TGFB1: variants seen among roughly 807,000 people sequenced by gnomAD.
TGFB1 encodes the protein transforming growth factor beta-1 proprotein.
In TGFB1, 19 loss-of-function variants were observed where a neutral mutation model predicts 43.8. The ratio of observed to expected loss-of-function variants is 0.43; its 90% confidence interval spans 0.30 to 0.64. The LOEUF is 0.64. Ranked by LOEUF, TGFB1 falls within the 30% of genes least tolerant of loss-of-function variation. TGFB1 has a pLI of 0.11. For missense variants in TGFB1, 445 were observed against 529.8 expected (o/e 0.84, Z 1.57); for synonymous variants, 221 against 236.3 (o/e 0.94, Z 0.60).
At chr19:41,347,860 G>A (rs1485842015) in intron 2 of TGFB1, among the ~76,000 whole-genome samples, 6 of 147,042 alleles carry the variant, frequency 4.1e-5, no homozygotes, top group African/African-American at 1.5e-4. Flanking sequence ...GAGGCCAGGC[G>A]CAGTGGCTCA....
intron 3 of TGFB1, among the ~76,000 whole-genome samples, chr19:41,343,096 A>G (rs1039457869): frequency 1.3e-5 from 2 of 151,120 alleles, no homozygotes; most frequent in Non-Finnish European, 2.9e-5. Flanking sequence ...CACTCCTCCC[A>G]GTGCCCACCT....
intron 1 of TGFB1, among the ~76,000 whole-genome samples, chr19:41,349,482 C>T (rs905282813): frequency 2.0e-5 from 3 of 152,186 alleles, no homozygotes; most frequent in Non-Finnish European, 2.9e-5. Flanking sequence ...GCTGGCTGGG[C>T]GCAGTGGCTC....
At chr19:41,336,365 C>T (rs1405755999) in intron 5 of TGFB1, among the ~76,000 whole-genome samples, 1 of 150,964 alleles carries the variant, frequency 6.6e-6, no homozygotes, top group Non-Finnish European at 1.5e-5. Flanking sequence ...TCCATTGCAT[C>T]TCTACCCCTA....
intron 5 of TGFB1, among the ~76,000 whole-genome samples, chr19:41,339,266 C>A (rs1252015369): frequency 6.6e-6 from 1 of 151,954 alleles, no homozygotes; most frequent in African/African-American, 2.4e-5. Flanking sequence ...CAGGCACACA[C>A]CACCCAGCCA....
intron 2 of TGFB1, among the ~76,000 whole-genome samples, chr19:41,348,057 A>G (rs1315669906): frequency 6.6e-6 from 1 of 151,760 alleles, no homozygotes; most frequent in Non-Finnish European, 1.5e-5. Flanking sequence ...ACTGGAACCC[A>G]GGAGGCGGAG....
chr19:41,346,607 G>C (rs1174367689), intron 2 of TGFB1, among the ~76,000 whole-genome samples: 1 of 152,218 alleles, frequency 6.6e-6, no homozygotes, highest in Middle Eastern at 3.2e-3. Context: ...TTCTAGAGCA[G>C]TGCTGTCCTA....
intron 5 of TGFB1, among the ~76,000 whole-genome samples, chr19:41,334,205 T>G (rs1030687588): frequency 6.6e-6 from 1 of 151,672 alleles, no homozygotes; most frequent in African/African-American, 2.4e-5. Context: ...CGAAACCCCG[T>G]CTCTACTAAA....
rs1487759091 is a variant in TGFB1, at chr19:41,352,981, T to A, written c.64A>T (p.Thr22Ser). 6.5e-7 allele frequency: 1 copy of A among 1,541,098 alleles called. No homozygotes were observed. Among genetic ancestry groups the A allele is most frequent in the Non-Finnish European group, 8.7e-7 (1 of 1,147,482 alleles). Residue 22 changes from threonine (T) to serine (S), a missense_variant, in exon 1 of 7, where the codon ACG becomes TCG. Thr to Ser is a moderately conservative substitution (Grantham distance 58). This residue lies in a region of TGFB1 where 366 missense variants were observed against 428.8 expected (regional missense o/e 0.85). Coordinates refer to ENST00000221930, the MANE Select transcript of TGFB1 (RefSeq NM_000660.7). Reference protein sequence around the residue: ...LLPLLWLLVLTPGRPAAGLST... With the variant: ...LLPLLWLLVLSPGRPAAGLST... ...AGTCCCGCGGCCGGCCGGCCAGGCGTCAGCACCAGTAGCCACAGCAGCGGT... is the reference window on the plus strand; with the variant it reads ...AGTCCCGCGGCCGGCCGGCCAGGCGACAGCACCAGTAGCCACAGCAGCGGT...
intron 5 of TGFB1, among the ~76,000 whole-genome samples, chr19:41,339,513 G>C (rs939743313): frequency 2.6e-5 from 4 of 151,738 alleles, no homozygotes; most frequent in African/African-American, 9.7e-5. Context: ...GTAATGTCAG[G>C]AGCTGTTGGC....
chr19:41,334,270 G>A (rs2037965724), intron 5 of TGFB1, among the ~76,000 whole-genome samples: 1 of 152,074 alleles, frequency 6.6e-6, no homozygotes, highest in African/African-American at 2.4e-5. Flanking sequence ...AGCTACTCAG[G>A]AGGCTGAGGC....
intron 5 of TGFB1, among the ~76,000 whole-genome samples, chr19:41,340,376 C>A (rs1262078111): frequency 6.6e-6 from 1 of 151,692 alleles, no homozygotes; most frequent in Non-Finnish European, 1.5e-5. Context: ...CCTGCCCCAG[C>A]CTGGGTACCT....
At chr19:41,343,298 C>G (rs1054554695) in intron 3 of TGFB1, among the ~76,000 whole-genome samples, 1 of 151,950 alleles carries the variant, frequency 6.6e-6, no homozygotes, top group African/African-American at 2.4e-5. Flanking sequence ...CCACGCCGAG[C>G]TAATTATGTA....
intron 1 of TGFB1, among the ~76,000 whole-genome samples, chr19:41,349,541 G>A (rs957213512): frequency 6.6e-6 from 1 of 152,218 alleles, no homozygotes; most frequent in Non-Finnish European, 1.5e-5. Context: ...TTGATTACTT[G>A]AGGTCGGGAG....
At chr19:41,343,354 G>A (rs989966698) in intron 3 of TGFB1, among the ~76,000 whole-genome samples, 1 of 151,786 alleles carries the variant, frequency 6.6e-6, no homozygotes, top group Non-Finnish European at 1.5e-5. Context: ...GGCTGGTCTC[G>A]AACTCCCGAT....
At chr19:41,342,105 G>A in intron 4 of TGFB1, 65 bp downstream of exon 4, 1 of 1,612,914 alleles carries the variant, frequency 6.2e-7, no homozygotes, top group Non-Finnish European at 8.5e-7. Flanking sequence ...TGGGGCGTGG[G>A]GCAGATGGGA....
chr19:41,342,155 G>A lies in TGFB1; in HGVS notation c.712+15C>T, dbSNP rs2123098773. 4 of 1,610,632 alleles carry A rather than the reference G, an allele frequency of 2.5e-6. No homozygotes were observed. The highest frequency in any genetic ancestry group is 3.4e-6 in the Non-Finnish European group (4 of 1,178,382). ...ACACGTCACAACTGGGCATGGCCGG[G>A]GAAGCAGGCCTCACCGTTGATGTCC... is the stretch of plus-strand genomic sequence containing the variant. On this transcript the variant is annotated intron_variant, in intron 4 of 6. Coordinates refer to ENST00000221930, the MANE Select transcript of TGFB1 (RefSeq NM_000660.7).
In TGFB1 at chr19:41,352,960, C is replaced by G. The variant is rs200868154; in HGVS notation, c.85G>C (p.Gly29Arg). The change falls in exon 1 of 7, where the codon GGA (glycine) becomes CGA (arginine). Residue 29 changes from glycine (G) to arginine (R), a missense_variant. Transcript: ENST00000221930. Reference sequence around the variant, plus strand: ...TCGATAGTCTTGCAGGTGGATAGTCCCGCGGCCGGCCGGCCAGGCGTCAGC... The same window carrying G: ...TCGATAGTCTTGCAGGTGGATAGTCGCGCGGCCGGCCGGCCAGGCGTCAGC... The part of the protein sequence containing the change: ...LVLTPGRPAA[G>R]LSTCKTIDME... The G allele has an allele frequency of 1.2e-5, 18 of 1,546,814 alleles. No homozygotes were observed. The highest frequency in any genetic ancestry group is 1.9e-5 in the Admixed American group (1 of 51,372).
chr19:41,349,017 C>T (rs2038151394), intron 1 of TGFB1, among the ~76,000 whole-genome samples: 1 of 151,992 alleles, frequency 6.6e-6, no homozygotes, highest in African/African-American at 2.4e-5. Flanking sequence ...AACCACATTC[C>T]TCTCTCATGT....
At chr19:41,346,158 C>G (rs2123105555) in intron 2 of TGFB1, among the ~76,000 whole-genome samples, 1 of 152,150 alleles carries the variant, frequency 6.6e-6, no homozygotes, top group South Asian at 2.1e-4. Flanking sequence ...CGAGACCAGC[C>G]TGACCAATAT....
Sources: gnomAD v4.1 joint callset for allele counts (sites outside exome capture counted in the v4.1 genomes callset) on GRCh38, gnomAD v4.1.1 for gene constraint, gnomAD v4.1.1 regional missense constraint, MANE v1.5 for transcripts, NCBI Gene and HGNC (gene_info 2026-07-23, HGNC 2026-07-21) for gene names.